The following CCDC141 variants were observed in gnomAD, a reference collection of about 807,000 sequenced individuals.
CCDC141 encodes coiled-coil domain containing 141.
In CCDC141, 168 loss-of-function variants were observed where a neutral mutation model predicts 181.0. The observed-to-expected ratio is 0.93, with a 90% CI of 0.82 to 1.05. The LOEUF (loss-of-function observed/expected upper bound fraction) is 1.05. CCDC141 is among the 50% of genes least tolerant of loss of function. The pLI, the probability that CCDC141 is intolerant of heterozygous loss-of-function variation, is 0.00. For missense variants in CCDC141, 1,902 were observed against 1,788.5 expected, an observed-to-expected ratio of 1.06 and a Z score of -1.14; for synonymous variants, 666 against 642.3, an observed-to-expected ratio of 1.04 and a Z score of -0.56.
chr2:179,017,043 A>T (rs79808044), intron 2 of CCDC141, among the ~76,000 whole-genome samples: 1 of 151,932 alleles, frequency 6.6e-6, no homozygotes, highest in Non-Finnish European at 1.5e-5. Context: ...AAATGTATTA[A>T]TCTATTCATT....
At chr2:178,978,803 G>A (rs1446331023) in intron 2 of CCDC141, 128 bp from the exon 3 acceptor site, 4 of 697,040 alleles carry the variant, frequency 5.7e-6, no homozygotes, top group Non-Finnish European at 6.6e-6. Context: ...AACACAAACT[G>A]TTATGCAAGA....
chr2:178,938,525 T>C (rs543791082), intron 6 of CCDC141, among the ~76,000 whole-genome samples: 1 of 152,118 alleles, frequency 6.6e-6, no homozygotes, highest in East Asian at 1.9e-4. Flanking sequence ...ATGCGGTCAA[T>C]TTTAGAGTAT....
At chr2:178,983,204 C>T (rs1007290685) in intron 2 of CCDC141, among the ~76,000 whole-genome samples, 2 of 152,182 alleles carry the variant, frequency 1.3e-5, no homozygotes, top group Non-Finnish European at 2.9e-5. Flanking sequence ...AGCAGGGGCA[C>T]ACTGACACCT....
intron 2 of CCDC141, among the ~76,000 whole-genome samples, chr2:179,005,176 T>C (rs575202278): frequency 6.6e-6 from 1 of 152,342 alleles, no homozygotes; most frequent in African/African-American, 2.4e-5. Context: ...TATTTTCAAC[T>C]ACACATGATT....
At chr2:178,822,158 C>G in the CCDC141 span, among the ~76,000 whole-genome samples, 1 of 149,782 alleles carries the variant, frequency 6.7e-6, no homozygotes, top group East Asian at 2.0e-4. Context: ...ATCGCAAGGA[C>G]AAAAAACCAA....
At chr2:179,033,077 A>C (rs1037867843) in intron 2 of CCDC141, among the ~76,000 whole-genome samples, 1 of 150,034 alleles carries the variant, frequency 6.7e-6, no homozygotes, top group African/African-American at 2.4e-5. Context: ...AAGGCTAATC[A>C]GGCAGAAGTC....
rs563283649 is a variant in CCDC141 at position 179,028,376 on chromosome 2, G to A, written c.225+18908C>T. ...TCTCTCCCATACTAACAAAAGCTTCGCAGTCAGCATCTTCCATTTGCTTCA... is the reference window on the plus strand; with the variant it reads ...TCTCTCCCATACTAACAAAAGCTTCACAGTCAGCATCTTCCATTTGCTTCA... On this transcript the variant is annotated intron_variant, in intron 2 of 23. Transcript: ENST00000443758. 7.2e-5 allele frequency among the ~76,000 whole-genome samples: 11 copies of A among 152,178 alleles called. No homozygotes were observed. The East Asian group carries it at 1.2e-3, about 16-fold the overall frequency.
At chr2:178,815,600 A>G in the CCDC141 span, among the ~76,000 whole-genome samples, 1 of 151,954 alleles carries the variant, frequency 6.6e-6, no homozygotes, top group Non-Finnish European at 1.5e-5. Flanking sequence ...TGGCTCCAGG[A>G]CCCCCTAACC....
intron 7 of CCDC141, among the ~76,000 whole-genome samples, chr2:178,912,878 C>G (rs1484761240): frequency 6.6e-6 from 1 of 152,208 alleles, no homozygotes; most frequent in Non-Finnish European, 1.5e-5. Flanking sequence ...CCATCCAGCC[C>G]TTCCTCGGCC....
At chr2:178,927,422 C>T (rs149561443) in intron 6 of CCDC141, among the ~76,000 whole-genome samples, 36 of 152,084 alleles carry the variant, frequency 2.4e-4, no homozygotes, top group African/African-American at 7.0e-4. Context: ...GTCTTAAATA[C>T]GTGCAGGGAT....
At chr2:178,826,487 A>T (rs1248142724), downstream of CCDC141, among the ~76,000 whole-genome samples, 2 of 152,160 alleles carry the variant, frequency 1.3e-5, no homozygotes, top group Non-Finnish European at 2.9e-5. Flanking sequence ...TCTGGAAGAG[A>T]CTGTGGAGAA....
At chr2:178,967,060 A>G (rs1294943265) in intron 4 of CCDC141, among the ~76,000 whole-genome samples, 1 of 152,078 alleles carries the variant, frequency 6.6e-6, no homozygotes, top group Admixed American at 6.6e-5. Context: ...AGATAAAAGA[A>G]GAAAAAGGAA....
intron 2 of CCDC141, among the ~76,000 whole-genome samples, chr2:178,997,051 A>C (rs2154382965): frequency 6.6e-6 from 1 of 152,312 alleles, no homozygotes; most frequent in African/African-American, 2.4e-5. Context: ...GCAAATCCAA[A>C]ATCTCAGGAG....
intron 2 of CCDC141, among the ~76,000 whole-genome samples, chr2:179,027,646 C>CAAAAAAAAAAAAAAAAA (rs71023466): frequency 7.1e-4 from 38 of 53,274 alleles, no homozygotes; most frequent in South Asian, 1.3e-3. Context: ...CTCTTACTCT[C>CAAAAAAAAAAAAAAAAA]AAAAAAAAAA....
At chr2:178,941,958 C>CAAAA (rs66903231) in intron 6 of CCDC141, among the ~76,000 whole-genome samples, 39 of 71,484 alleles carry the variant, frequency 5.5e-4, no homozygotes, top group African/African-American at 2.1e-3. Context: ...GATCCCATCT[C>CAAAA]AAAAAAAAAA....
downstream of CCDC141, among the ~76,000 whole-genome samples, chr2:178,827,367 T>C (rs1461379985): frequency 6.6e-6 from 1 of 152,236 alleles, no homozygotes; most frequent in Non-Finnish European, 1.5e-5. Flanking sequence ...ATGAAGTAGA[T>C]TGATAGTGCT....
At chr2:179,015,950 ATC>A (rs201870189) in intron 2 of CCDC141, among the ~76,000 whole-genome samples, 226 of 137,520 alleles carry the variant, frequency 1.6e-3, no homozygotes, top group South Asian at 4.3e-3. Flanking sequence ...TATCATATAT[ATC>A]TCATATATAT....
chr2:178,941,902 G>A (rs1338619204), intron 6 of CCDC141, among the ~76,000 whole-genome samples: 2 of 139,460 alleles, frequency 1.4e-5, no homozygotes, highest in African/African-American at 5.4e-5. Flanking sequence ...CGAGGCTGCG[G>A]TGAGTATGAT....
intron 6 of CCDC141, chr2:178,926,588 G>A (rs1688916178): frequency 6.6e-6 from 1 of 152,114 alleles, no homozygotes; most frequent in Admixed American, 6.6e-5. Flanking sequence ...GATATCATTA[G>A]TCTTAATTCA....
Sources: gnomAD v4.1 joint callset for allele counts (sites outside exome capture counted in the v4.1 genomes callset) on GRCh38, gnomAD v4.1.1 for gene constraint, MANE v1.5 for transcripts, NCBI Gene and HGNC (gene_info 2026-07-23, HGNC 2026-07-21) for gene names.